Variants in DMXL1 observed in about 807,000 individuals in gnomAD.
DMXL1 encodes the protein Dmx like 1.
A neutral mutation model predicts 319.2 loss-of-function variants in DMXL1; 99 were observed. The observed-to-expected ratio is 0.31, with a 90% CI of 0.26 to 0.37. The LOEUF is 0.37. DMXL1 is among the 10% of genes least tolerant of loss of function. The pLI is 1.00. For missense variants in DMXL1, 3,745 were observed against 3,595.6 expected (o/e 1.04, Z -1.06); for synonymous variants, 1,385 against 1,235.2 (o/e 1.12, Z -2.54).
At chr5:119,071,704 T>A in intron 1 of DMXL1, 48 bp downstream of exon 1, 2 of 1,512,726 alleles carry the variant, frequency 1.3e-6, no homozygotes, top group Non-Finnish European at 1.8e-6. Context: ...CCTTTGCCCG[T>A]CATTCTGGGC....
intron 38 of DMXL1, among the ~76,000 whole-genome samples, chr5:119,231,550 C>T (rs1311643069): frequency 6.6e-6 from 1 of 152,152 alleles, no homozygotes; most frequent in Non-Finnish European, 1.5e-5. Context: ...ACTTGTTGCT[C>T]CTGGAGGTCA....
intron 1 of DMXL1, among the ~76,000 whole-genome samples, chr5:119,084,583 G>T (rs982538457): frequency 6.6e-6 from 1 of 152,080 alleles, no homozygotes; most frequent in African/African-American, 2.4e-5. Flanking sequence ...ACGATCCTTG[G>T]CTGGGTGCTG....
At chr5:119,104,947 C>T (rs1036244337) in intron 3 of DMXL1, among the ~76,000 whole-genome samples, 9 of 152,088 alleles carry the variant, frequency 5.9e-5, no homozygotes, top group African/African-American at 1.9e-4. Context: ...TCCAAGGTAG[C>T]GTATGGTTAT....
At chr5:119,118,674 T>C in intron 7 of DMXL1, 141 bp from the exon 8 acceptor site, 1 of 554,570 alleles carries the variant, frequency 1.8e-6, no homozygotes, top group African/African-American at 1.9e-5. Context: ...AAGCATTTGC[T>C]GTGATGAAAT....
At chr5:119,173,756 A>ATG in intron 25 of DMXL1, among the ~76,000 whole-genome samples, 1 of 97,486 alleles carries the variant, frequency 1.0e-5, no homozygotes, top group South Asian at 3.3e-4. Flanking sequence ...ATGTGTGTGT[A>ATG]TATATATATA....
At chr5:119,091,019 C>T (rs1470951159) in intron 1 of DMXL1, among the ~76,000 whole-genome samples, 1 of 152,018 alleles carries the variant, frequency 6.6e-6, no homozygotes, top group Admixed American at 6.6e-5. Flanking sequence ...AAAAATATTT[C>T]AATCTGTTTA....
rs1389773964 is a variant in DMXL1 at position 119,150,345 on chromosome 5, G to T, written c.4518G>T (p.Gln1506His). The T allele has an allele frequency of 6.2e-7, 1 of 1,613,864 alleles. No individual in the cohort carries two copies. The highest frequency in any genetic ancestry group is 8.5e-7 in the Non-Finnish European group (1 of 1,179,846). ...TACCAGGACTCAGCCGGATGGAGCAGATGTCTTTGATGGCCTTAGCAGATA... is the reference window on the plus strand; with the variant it reads ...TACCAGGACTCAGCCGGATGGAGCATATGTCTTTGATGGCCTTAGCAGATA... ...SSLPGLSRMEQMSLMALADTI... is the reference protein window; with the variant it reads ...SSLPGLSRMEHMSLMALADTI... The change falls in exon 18 of 44, where the codon CAG (glutamine) becomes CAT (histidine). Residue 1506 changes from glutamine to histidine, a missense_variant. Gln to His is a conservative substitution (Grantham distance 24). Coordinates refer to ENST00000539542, the MANE Select transcript of DMXL1 (RefSeq NM_001290321.3).
chr5:119,237,187 A>G (rs1787916241), intron 39 of DMXL1, 135 bp from the exon 40 acceptor site: 1 of 485,508 alleles, frequency 2.1e-6, no homozygotes, highest in Admixed American at 3.4e-5. Flanking sequence ...AGATCCATGT[A>G]TAGGTGAAGT....
chr5:119,081,897 C>T (rs527847330), intron 1 of DMXL1, among the ~76,000 whole-genome samples: 6 of 151,224 alleles, frequency 4.0e-5, no homozygotes, highest in South Asian at 2.1e-4. Context: ...GAAAGAATTA[C>T]GAATAAACAT....
intron 6 of DMXL1, among the ~76,000 whole-genome samples, chr5:119,114,958 A>G (rs945755880): frequency 6.6e-6 from 1 of 152,210 alleles, no homozygotes; most frequent in South Asian, 2.1e-4. Flanking sequence ...GTGAGCCACC[A>G]TGCCCGGCCA....
At chr5:119,146,343 A>C (rs1020560470) in intron 15 of DMXL1, among the ~76,000 whole-genome samples, 2 of 151,878 alleles carry the variant, frequency 1.3e-5, no homozygotes, top group Non-Finnish European at 2.9e-5. Context: ...ATTTTGAGCA[A>C]CTCGTGTGCT....
chr5:119,091,284 G>A (rs1754751970), intron 1 of DMXL1, among the ~76,000 whole-genome samples: 1 of 152,054 alleles, frequency 6.6e-6, no homozygotes, highest in African/African-American at 2.4e-5. Context: ...ACAGCTCACT[G>A]CAGCCTTAAT....
At chr5:119,245,645 T>C (rs867355798) in intron 43 of DMXL1, among the ~76,000 whole-genome samples, 37 of 151,612 alleles carry the variant, frequency 2.4e-4, no homozygotes, top group African/African-American at 9.0e-4. Flanking sequence ...GTTCAAGCGA[T>C]TTCCCTGCTT....
Position 119,219,050 on chromosome 5 carries a change from T to TA in DMXL1, c.8014-1421dup, listed in dbSNP as rs1285420246. Among the ~76,000 whole-genome samples, 4 of 152,168 alleles carry TA rather than the reference T, an allele frequency of 2.6e-5. 1 individual carries two copies. In the South Asian group the frequency reaches 8.3e-4, roughly 32 times the overall value. ...TTTTAGTGGATGCTGTTAGAAGACA[T>TA]ACGACTCTTGGATCAGAGACAAAGG... On this transcript the variant is annotated intron_variant, in intron 35 of 43. Coordinates refer to ENST00000539542, the MANE Select transcript of DMXL1 (RefSeq NM_001290321.3).
At chr5:119,113,442 C>G (rs956386227) in intron 5 of DMXL1, among the ~76,000 whole-genome samples, 3 of 152,170 alleles carry the variant, frequency 2.0e-5, no homozygotes, top group Admixed American at 6.5e-5. Context: ...GGGGTTTCAT[C>G]ATGTTGGCCA....
chr5:119,197,252 C>T (rs761596769), intron 31 of DMXL1, among the ~76,000 whole-genome samples: 4 of 151,984 alleles, frequency 2.6e-5, no homozygotes, highest in Non-Finnish European at 5.9e-5. Context: ...CTTCCCTGGG[C>T]CACACAGGAA....
intron 1 of DMXL1, among the ~76,000 whole-genome samples, chr5:119,084,362 C>A (rs576565211): frequency 2.0e-5 from 3 of 152,264 alleles, no homozygotes; most frequent in African/African-American, 7.2e-5. Context: ...TCAAGTGATT[C>A]ACCTGCCTCA....
At chr5:119,098,774 C>A (rs551878517) in intron 2 of DMXL1, among the ~76,000 whole-genome samples, 1 of 152,206 alleles carries the variant, frequency 6.6e-6, no homozygotes, top group East Asian at 1.9e-4. Context: ...AAAATAACTC[C>A]ATATAGGCAT....
chr5:119,172,465 A>C (rs1053893912), intron 25 of DMXL1, among the ~76,000 whole-genome samples: 2 of 152,178 alleles, frequency 1.3e-5, no homozygotes, highest in African/African-American at 4.8e-5. Flanking sequence ...GTGCTTGTTA[A>C]AAGTCTGGAT....
Sources: allele counts gnomAD v4.1 joint callset (sites outside exome capture counted in the v4.1 genomes callset), GRCh38; gene constraint gnomAD v4.1.1; transcripts MANE v1.5; gene names NCBI Gene and HGNC (gene_info 2026-07-23, HGNC 2026-07-21).